The following COX6A2 variants were observed in gnomAD, a reference collection of about 807,000 sequenced individuals.
The protein encoded by COX6A2 is cytochrome c oxidase subunit 6A2, mitochondrial.
In COX6A2, 5 loss-of-function variants were observed where a neutral mutation model predicts 7.2. That is an observed-to-expected ratio of 0.69 (90% CI 0.36 to 1.45). The LOEUF (loss-of-function observed/expected upper bound fraction) is 1.45. Among genes scored for constraint, COX6A2 ranks in the 40% most tolerant of loss-of-function variants. The pLI is 0.03. For synonymous variants in COX6A2, 63 were observed against 55.9 expected (o/e 1.13, Z -0.56); for missense variants, 174 against 137.7 (o/e 1.26, Z -1.32).
chr16:31,427,808 A>T lies in COX6A2; in HGVS notation c.260T>A (p.Val87Glu). 7.1e-7 allele frequency: 1 copy of T among 1,414,356 alleles called. No individual in the cohort carries two copies. The highest frequency in any genetic ancestry group is 9.2e-7 in the Non-Finnish European group (1 of 1,081,128). 87.6% of individuals were successfully genotyped at this position (1,414,356 alleles called of 1,614,324 possible). ...TTCGTAGCCCGTGGGCAGAGGGTTC[A>T]CGTGGCTATTGTGGAACAGAGTGTG... ...GNHTLFHNSH[V>E]NPLPTGYEHP The change falls in exon 3 of 3, where the codon GTG (valine) becomes GAG (glutamate). Residue 87 changes from valine (V) to glutamate (E), a missense_variant. Transcript: ENST00000287490.
chr16:31,428,165 G>A lies in COX6A2; in HGVS notation c.74-14C>T, dbSNP rs1472811372. The A allele has an allele frequency of 4.5e-6, 7 of 1,568,240 alleles. No homozygotes were observed. Among genetic ancestry groups the A allele is most frequent in the Non-Finnish European group, 5.2e-6 (6 of 1,157,596 alleles). On this transcript the variant is annotated splice_polypyrimidine_tract_variant and intron_variant, in intron 1 of 2. Coordinates refer to ENST00000287490, the MANE Select transcript of COX6A2 (RefSeq NM_005205.4). ...GCCAGGTACGAGCTGCGGACGGAGC[G>A]GGGTGAGCGCGGCGGTCCTGGGGCG...
Position 31,427,865 on chromosome 16 carries a change from G to A in COX6A2, c.211-8C>T, listed in dbSNP as rs1404236436. 1.5e-6 allele frequency: 2 copies of A among 1,361,236 alleles called. No homozygotes were observed. The highest frequency in any genetic ancestry group is 1.5e-5 in the African/African-American group (1 of 66,190). The allele number at this position is 1,361,236 out of a possible 1,614,324, so 84.3% of individuals were successfully genotyped here. A position where few individuals can be genotyped will look rare whatever the true frequency, so the allele number is the denominator to read the frequency against. On this transcript the variant is annotated splice_region_variant and splice_polypyrimidine_tract_variant and intron_variant, in intron 2 of 2. Coordinates refer to ENST00000287490, the MANE Select transcript of COX6A2 (RefSeq NM_005205.4). ...GTCCCCCCAGGGGTAGGGCTGTGGA[G>A]AGAGCGGGGGAGGGAGCGCGCGTGA...
Position 31,428,246 on chromosome 16 carries a change from C to G in COX6A2, c.73+7G>C. 6.3e-7 allele frequency: 1 copy of G among 1,588,676 alleles called. No individual in the cohort carries two copies. The highest frequency in any genetic ancestry group is 8.6e-7 in the Non-Finnish European group (1 of 1,168,054). On this transcript the variant is annotated splice_region_variant and intron_variant, in intron 1 of 2. Coordinates refer to ENST00000287490, the MANE Select transcript of COX6A2 (RefSeq NM_005205.4). ...GGAGCCCCCGGATCCGCCCGTTCCC[C>G]ACTCACCTCCTGCTCCTCCGTGGCC...
rs760787848 is a variant in COX6A2, at chr16:31,428,298, G to A, written c.28C>T (p.Arg10Trp). Residue 10 changes from arginine to tryptophan, a missense_variant, in exon 1 of 3, where the codon CGG (arginine) becomes TGG (tryptophan). Arg to Trp is a moderately radical substitution (Grantham distance 101). Coordinates refer to ENST00000287490, the MANE Select transcript of COX6A2 (RefSeq NM_005205.4). ...CCTTTGGCAGCGCTGGCCAAGCCCC[G>A]GGTCAGGGGCCTCAGAGGCAAAGCC... is the stretch of plus-strand genomic sequence containing the variant. The part of the protein sequence containing the change: MALPLRPLT[R>W]GLASAAKGGH... 1.9e-6 allele frequency: 3 copies of A among 1,606,838 alleles called. No homozygotes were observed. In the African/African-American group the frequency reaches 4.0e-5, roughly 22 times the overall value.
rs746537698 is a variant in COX6A2 at position 31,428,338 on chromosome 16, A to T, written c.-13T>A. On this transcript the variant is annotated 5_prime_UTR_variant, in exon 1 of 3. Transcript: ENST00000287490. ...GAGGCAAAGCCATGATGGTGCGGGG[A>T]GCCGGGAACCAGCGCTGTCCTCGCT... 3 of 1,591,860 alleles carry T rather than the reference A, an allele frequency of 1.9e-6. No individual in the cohort carries two copies. The Admixed American group carries it at 5.2e-5, about 28-fold the overall frequency.
rs747818172 is a variant in COX6A2 at position 31,427,834 on chromosome 16, G to C, written c.234C>G (p.Asn78Lys). 13 of 1,412,158 alleles carry C rather than the reference G, an allele frequency of 9.2e-6. No individual in the cohort carries two copies. In the African/African-American group the frequency reaches 1.8e-4, roughly 19 times the overall value. The allele number at this position is 1,412,158 out of a possible 1,614,324, so 87.5% of individuals were successfully genotyped here. Residue 78 changes from asparagine to lysine, a missense_variant, in exon 3 of 3, where the codon AAC becomes AAG. Coordinates refer to ENST00000287490, the MANE Select transcript of COX6A2 (RefSeq NM_005205.4). ...CGTGGCTATTGTGGAACAGAGTGTGGTTGCCGTCCCCCCAGGGGTAGGGCT... is the reference window on the plus strand; with the variant it reads ...CGTGGCTATTGTGGAACAGAGTGTGCTTGCCGTCCCCCCAGGGGTAGGGCT... ...RTKPYPWGDGNHTLFHNSHVN... is the reference protein window; with the variant it reads ...RTKPYPWGDGKHTLFHNSHVN...
In COX6A2 at chr16:31,427,809, C is replaced by T. The variant is rs1397342352; in HGVS notation, c.259G>A (p.Val87Met). 1.4e-6 allele frequency: 2 copies of T among 1,414,188 alleles called. No individual in the cohort carries two copies. The highest frequency in any genetic ancestry group is 1.8e-5 in the South Asian group (1 of 56,698). The allele number at this position is 1,414,188 out of a possible 1,614,324, so 87.6% of individuals were successfully genotyped here. ...TCGTAGCCCGTGGGCAGAGGGTTCA[C>T]GTGGCTATTGTGGAACAGAGTGTGG... ...GNHTLFHNSH[V>M]NPLPTGYEHP The change falls in exon 3 of 3, where the codon GTG (valine) becomes ATG (methionine). Residue 87 changes from valine to methionine, a missense_variant. Physicochemically the swap from Val to Met is conservative, Grantham distance 21 (BLOSUM62 1). Coordinates refer to ENST00000287490, the MANE Select transcript of COX6A2 (RefSeq NM_005205.4).
Position 31,427,870 on chromosome 16 carries a change from C to A in COX6A2, c.211-13G>T. On this transcript the variant is annotated splice_polypyrimidine_tract_variant and intron_variant, in intron 2 of 2. Coordinates refer to ENST00000287490, the MANE Select transcript of COX6A2 (RefSeq NM_005205.4). ...CCCAGGGGTAGGGCTGTGGAGAGAG[C>A]GGGGGAGGGAGCGCGCGTGAGCGCC... 7.5e-7 allele frequency: 1 copy of A among 1,334,074 alleles called. No homozygotes were observed. Among genetic ancestry groups the A allele is most frequent in the Non-Finnish European group, 9.6e-7 (1 of 1,037,530 alleles). The allele number at this position is 1,334,074 out of a possible 1,614,324, so 82.6% of individuals were successfully genotyped here.
At position 31,427,839 on chromosome 16, in the gene COX6A2, C is replaced by T. The variant is rs1214284564; in HGVS notation, c.229G>A (p.Gly77Ser). ...CTATTGTGGAACAGAGTGTGGTTGC[C>T]GTCCCCCCAGGGGTAGGGCTGTGGA... is the stretch of plus-strand genomic sequence containing the variant. ...IRTKPYPWGD[G>S]NHTLFHNSHV... is the part of the protein sequence containing the mutation. Residue 77 changes from glycine (G) to serine (S), a missense_variant, in exon 3 of 3, where the codon GGC becomes AGC. Gly to Ser is a moderately conservative substitution (Grantham distance 56, BLOSUM62 0). Transcript: ENST00000287490. 10 of 1,394,592 alleles carry T rather than the reference C, an allele frequency of 7.2e-6. No individual in the cohort carries two copies. Among genetic ancestry groups the T allele is most frequent in the African/African-American group, 3.0e-5 (2 of 65,874 alleles). The allele number at this position is 1,394,592 out of a possible 1,614,324, so 86.4% of individuals were successfully genotyped here.
intron 1 of COX6A2, 42 bp downstream of exon 1, chr16:31,428,211 G>A (rs1327822028): frequency 5.2e-6 from 8 of 1,548,098 alleles, no homozygotes; most frequent in South Asian, 1.2e-5. Context: ...GAACAGGTGG[G>A]CAGGGTAGGG....
Position 31,428,227 on chromosome 16 carries a change from C to G in COX6A2, c.73+26G>C, listed in dbSNP as rs60662915. Reference sequence around the variant, plus strand: ...AACAGGTGGGCAGGGTAGGGGAGCCCCCGGATCCGCCCGTTCCCCACTCAC... The same window carrying G: ...AACAGGTGGGCAGGGTAGGGGAGCCGCCGGATCCGCCCGTTCCCCACTCAC... On this transcript the variant is annotated intron_variant, in intron 1 of 2. Transcript: ENST00000287490. The G allele has an allele frequency of 1.9e-5, 30 of 1,551,070 alleles. No homozygotes were observed. In the East Asian group the frequency reaches 7.1e-4, roughly 37 times the overall value.
chr16:31,428,206 G>A, intron 1 of COX6A2, 47 bp downstream of exon 1: 1 of 1,548,484 alleles, frequency 6.5e-7, no homozygotes, highest in East Asian at 2.5e-5. Context: ...CCTGTGAACA[G>A]GTGGGCAGGG....
In COX6A2 at chr16:31,428,308, C is replaced by A; in HGVS notation, c.18G>T (p.Arg6Ser). Residue 6 changes from arginine (R) to serine (S), a missense_variant, in exon 1 of 3, where the codon AGG (arginine) becomes AGT (serine). Physicochemically the swap from Arg to Ser is moderately radical, Grantham distance 110 (BLOSUM62 -1). Transcript: ENST00000287490. MALPL[R>S]PLTRGLASAA... ...CGCTGGCCAAGCCCCGGGTCAGGGG[C>A]CTCAGAGGCAAAGCCATGATGGTGC... The A allele has an allele frequency of 6.2e-7, 1 of 1,605,518 alleles. No individual in the cohort carries two copies. Among genetic ancestry groups the A allele is most frequent in the Non-Finnish European group, 8.5e-7 (1 of 1,176,538 alleles).
Position 31,428,115 on chromosome 16 carries a change from A to G in COX6A2, c.110T>C (p.Leu37Pro). The change falls in exon 2 of 3, where the codon CTG becomes CCG. Residue 37 changes from leucine to proline, a missense_variant. Coordinates refer to ENST00000287490, the MANE Select transcript of COX6A2 (RefSeq NM_005205.4). The part of the protein sequence containing the change: ...TWRLLTFVLA[L>P]PSVALCTFNS... The stretch of plus-strand genomic sequence containing the variant: ...GAAGGTGCAGAGGGCCACGCTGGGC[A>G]GCGCCAGCACGAAGGTCAGCAGACG... 6.4e-7 allele frequency: 1 copy of G among 1,570,234 alleles called. No homozygotes were observed.
rs767531048 is a variant in COX6A2 at position 31,428,239 on chromosome 16, C to G, written c.73+14G>C. The stretch of plus-strand genomic sequence containing the variant: ...GGGTAGGGGAGCCCCCGGATCCGCC[C>G]GTTCCCCACTCACCTCCTGCTCCTC... On this transcript the variant is annotated intron_variant, in intron 1 of 2. Coordinates refer to ENST00000287490, the MANE Select transcript of COX6A2 (RefSeq NM_005205.4). 1.1e-5 allele frequency: 17 copies of G among 1,577,478 alleles called. No individual in the cohort carries two copies. The highest frequency in any genetic ancestry group is 1.4e-5 in the Non-Finnish European group (16 of 1,162,248).
rs866320644 is a variant in COX6A2, at chr16:31,428,140, G to T, written c.85C>A (p.Arg29Ser). 6.4e-7 allele frequency: 1 copy of T among 1,573,154 alleles called. No individual in the cohort carries two copies. The highest frequency in any genetic ancestry group is 8.6e-7 in the Non-Finnish European group (1 of 1,160,274). Residue 29 changes from arginine to serine, a missense_variant, in exon 2 of 3, where the codon CGT becomes AGT. Coordinates refer to ENST00000287490, the MANE Select transcript of COX6A2 (RefSeq NM_005205.4). ...GHGGAGARTWRLLTFVLALPS... is the reference protein window; with the variant it reads ...GHGGAGARTWSLLTFVLALPS... ...AGCGCCAGCACGAAGGTCAGCAGAC[G>T]CCAGGTACGAGCTGCGGACGGAGCG...
rs745824815 is a variant in COX6A2 at position 31,427,747 on chromosome 16, T to C, written c.*27A>G. ...GCCGCAGACTCGAAGCTTCACACCT[T>C]TATTGTGTCCGGGGGCGTCCGGGGC... On this transcript the variant is annotated 3_prime_UTR_variant, in exon 3 of 3. Transcript: ENST00000287490. The C allele has an allele frequency of 2.2e-6, 3 of 1,363,952 alleles. No individual in the cohort carries two copies. Among genetic ancestry groups the C allele is most frequent in the Non-Finnish European group, 2.9e-6 (3 of 1,047,658 alleles). 84.5% of individuals were successfully genotyped at this position (1,363,952 alleles called of 1,614,324 possible).
At position 31,427,794 on chromosome 16, in the gene COX6A2, T is replaced by G. The variant is rs757514588; in HGVS notation, c.274A>C (p.Thr92Pro). The change falls in exon 3 of 3, where the codon ACG becomes CCG. Residue 92 changes from threonine (T) to proline (P), a missense_variant. Coordinates refer to ENST00000287490, the MANE Select transcript of COX6A2 (RefSeq NM_005205.4). ...GGGCCTCAGGGGTGTTCGTAGCCCG[T>G]GGGCAGAGGGTTCACGTGGCTATTG... The part of the protein sequence containing the change: ...FHNSHVNPLP[T>P]GYEHP 1 of 1,413,086 alleles carries G rather than the reference T, an allele frequency of 7.1e-7. No individual in the cohort carries two copies. The allele number at this position is 1,413,086 out of a possible 1,614,324, so 87.5% of individuals were successfully genotyped here. A position where few individuals can be genotyped will look rare whatever the true frequency, so the allele number is the denominator to read the frequency against.
Position 31,428,242 on chromosome 16 carries a change from T to TC in COX6A2, c.73+10dup. ...TAGGGGAGCCCCCGGATCCGCCCGT[T>TC]CCCCACTCACCTCCTGCTCCTCCGT... On this transcript the variant is annotated intron_variant, in intron 1 of 2. Transcript: ENST00000287490. 1 of 1,584,918 alleles carries TC rather than the reference T, an allele frequency of 6.3e-7. No individual in the cohort carries two copies.
Sources: allele counts gnomAD v4.1 joint callset, GRCh38; gene constraint gnomAD v4.1.1; transcripts MANE v1.5; gene names NCBI Gene and HGNC (gene_info 2026-07-23, HGNC 2026-07-21).